PCDH15: variants seen among roughly 807,000 people sequenced by gnomAD.
PCDH15 encodes the protein protocadherin related 15, also known as protocadherin-15.
Under a neutral mutation model 178.5 loss-of-function variants are expected in PCDH15, and 129 were observed. The ratio of observed to expected loss-of-function variants is 0.72; its 90% CI spans 0.63 to 0.84. The LOEUF (loss-of-function observed/expected upper bound fraction) is 0.84, where lower values mean the gene tolerates loss of function less well. Among genes scored for constraint, PCDH15 ranks in the 40% least tolerant of loss-of-function variants. The pLI, the probability that PCDH15 is intolerant of heterozygous loss-of-function variation, is 0.00. For missense variants in PCDH15, 2,230 were observed against 2,099.9 expected, an observed-to-expected ratio of 1.06 and a Z score of -1.21; for synonymous variants, 800 against 732.0, an observed-to-expected ratio of 1.09 and a Z score of -1.50.
intron 3 of PCDH15, among the ~76,000 whole-genome samples, chr10:54,435,330 A>G (rs2075310795): frequency 6.6e-6 from 1 of 152,084 alleles, no homozygotes; most frequent in Non-Finnish European, 1.5e-5. Flanking sequence ...GGTTGAATTC[A>G]TTGTTTAGAT....
intron 25 of PCDH15, among the ~76,000 whole-genome samples, chr10:53,905,488 C>G (rs1389353337): frequency 1.3e-5 from 2 of 152,112 alleles, no homozygotes; most frequent in Non-Finnish European, 2.9e-5. Flanking sequence ...CATGCGCCAC[C>G]ATGGCTGGCT....
chr10:55,543,506 T>G (rs2132078804), intron 2 of PCDH15, among the ~76,000 whole-genome samples: 1 of 151,538 alleles, frequency 6.6e-6, no homozygotes, highest in East Asian at 1.9e-4. Flanking sequence ...AGGAATTCTA[T>G]CAGTACTTGA....
chr10:54,217,581 A>G (rs1042702746), intron 9 of PCDH15, among the ~76,000 whole-genome samples: 3 of 152,192 alleles, frequency 2.0e-5, no homozygotes, highest in African/African-American at 4.8e-5. Flanking sequence ...TAGAACACCT[A>G]TGGTTTTGAT....
At chr10:54,489,148 T>C (rs1175459644) in intron 3 of PCDH15, among the ~76,000 whole-genome samples, 1 of 152,048 alleles carries the variant, frequency 6.6e-6, no homozygotes, top group Non-Finnish European at 1.5e-5. Flanking sequence ...ACCATTAAAT[T>C]GGGTTAATAC....
intron 18 of PCDH15, among the ~76,000 whole-genome samples, chr10:54,031,078 T>C (rs2093279292): frequency 6.6e-6 from 1 of 151,996 alleles, no homozygotes; most frequent in Admixed American, 6.6e-5. Context: ...TACTCCTGCT[T>C]CATCGTTGAA....
intron 9 of PCDH15, among the ~76,000 whole-genome samples, chr10:54,223,415 GA>G (rs760041512): frequency 8.8e-5 from 13 of 148,138 alleles, no homozygotes; most frequent in Non-Finnish European, 1.8e-4. Context: ...ATTATGTATA[GA>G]AAGTCTTTCA....
chr10:54,785,548 A>G (rs532969204), intron 1 of PCDH15, among the ~76,000 whole-genome samples: 1 of 152,100 alleles, frequency 6.6e-6, no homozygotes, highest in Non-Finnish European at 1.5e-5. Flanking sequence ...AATGTTCCTG[A>G]GGGAGTGCTG....
chr10:53,849,150 G>A (rs747206362), intron 28 of PCDH15, among the ~76,000 whole-genome samples: 21 of 152,014 alleles, frequency 1.4e-4, no homozygotes, highest in Non-Finnish European at 2.6e-4. Context: ...ATAAAAAGTA[G>A]AAAGAATATT....
intron 28 of PCDH15, among the ~76,000 whole-genome samples, chr10:53,847,722 A>T (rs932842724): frequency 4.6e-5 from 7 of 151,962 alleles, no homozygotes; most frequent in Non-Finnish European, 1.0e-4. Flanking sequence ...GTTTGTGACT[A>T]CTCTATATGG....
chr10:54,877,994 G>C (rs1372578742), intron 3 of PCDH15, among the ~76,000 whole-genome samples: 1 of 128,062 alleles, frequency 7.8e-6, no homozygotes, highest in Non-Finnish European at 1.6e-5. Flanking sequence ...GTGGAGTCTC[G>C]CTCTGTTGCC....
chr10:53,890,505 C>G (rs1012439921), intron 26 of PCDH15, among the ~76,000 whole-genome samples: 1 of 152,186 alleles, frequency 6.6e-6, no homozygotes, highest in African/African-American at 2.4e-5. Flanking sequence ...TGTTGATAGT[C>G]TTTCAAATTA....
intron 6 of PCDH15, among the ~76,000 whole-genome samples, chr10:54,342,751 C>A (rs916507785): frequency 2.6e-5 from 4 of 152,192 alleles, no homozygotes; most frequent in African/African-American, 4.8e-5. Context: ...GCCACAGGGA[C>A]ATAGCTGCCC....
At chr10:54,155,248 A>C (rs2044987596) in intron 13 of PCDH15, among the ~76,000 whole-genome samples, 1 of 152,132 alleles carries the variant, frequency 6.6e-6, no homozygotes, top group South Asian at 2.1e-4. Context: ...AAGGGAGGAT[A>C]AGCTGGATGA....
At chr10:55,131,087 T>C (rs1838029426) in intron 2 of PCDH15, among the ~76,000 whole-genome samples, 1 of 152,144 alleles carries the variant, frequency 6.6e-6, no homozygotes, top group Admixed American at 6.5e-5. Context: ...GTCTCAGTAT[T>C]TGTACATTCT....
At chr10:53,826,134 C>A (rs1307034953) in intron 32 of PCDH15, among the ~76,000 whole-genome samples, 7 of 148,104 alleles carry the variant, frequency 4.7e-5, no homozygotes, top group Admixed American at 3.4e-4. Context: ...CTACATTCAC[C>A]AATAATTAAT....
chr10:54,570,778 G>C (rs2089702641), intron 2 of PCDH15, among the ~76,000 whole-genome samples: 1 of 151,146 alleles, frequency 6.6e-6, no homozygotes, highest in African/African-American at 2.4e-5. Context: ...TCAGCCTCCT[G>C]AGTAGCTGGG....
chr10:55,602,304 C>T (rs957532394), intron 2 of PCDH15, among the ~76,000 whole-genome samples: 11 of 151,992 alleles, frequency 7.2e-5, no homozygotes, highest in Non-Finnish European at 1.3e-4. Context: ...GGCAGCGAGG[C>T]TGGGGGAGGG....
At chr10:54,091,791 T>C (rs1414393786) in intron 15 of PCDH15, among the ~76,000 whole-genome samples, 6 of 152,174 alleles carry the variant, frequency 3.9e-5, no homozygotes, top group Non-Finnish European at 8.8e-5. Context: ...CCTTTGCTGA[T>C]TTCTCCTCAT....
At chr10:53,900,318 G>A (rs2082256992) in intron 26 of PCDH15, among the ~76,000 whole-genome samples, 1 of 148,340 alleles carries the variant, frequency 6.7e-6, no homozygotes, top group South Asian at 2.1e-4. Flanking sequence ...CATGAAGTTG[G>A]TTTCCTAGAA....
Sources: gnomAD v4.1 joint callset for allele counts (sites outside exome capture counted in the v4.1 genomes callset) on GRCh38, gnomAD v4.1.1 for gene constraint, MANE v1.5 for transcripts, NCBI Gene and HGNC (gene_info 2026-07-23, HGNC 2026-07-21) for gene names.